Variants in SLC9C2 observed in about 807,000 individuals in gnomAD.
SLC9C2 encodes solute carrier family 9 member C2 (putative).
A neutral mutation model predicts 140.2 loss-of-function variants in SLC9C2; 75 were observed. The observed-to-expected ratio is 0.53, with a 90% CI of 0.44 to 0.65. The LOEUF is 0.65. Among genes scored for constraint, SLC9C2 ranks in the 30% least tolerant of loss-of-function variants. The pLI is 0.00. For missense variants in SLC9C2, 1,074 were observed against 1,331.8 expected (o/e 0.81, Z 3.01); for synonymous variants, 375 against 420.9 (o/e 0.89, Z 1.34).
intron 9 of SLC9C2, among the ~76,000 whole-genome samples, chr1:173,559,434 T>C (rs1663948670): frequency 6.6e-6 from 1 of 152,254 alleles, no homozygotes; most frequent in Non-Finnish European, 1.5e-5. Flanking sequence ...AGACATCTAC[T>C]GGGAAGTATT....
At chr1:173,583,723 G>C in intron 5 of SLC9C2, 101 bp from the exon 6 acceptor site, 1 of 680,702 alleles carries the variant, frequency 1.5e-6, no homozygotes, top group East Asian at 2.7e-5. Context: ...AAAGAAAAAA[G>C]AGAAAGAACA....
chr1:173,591,188 T>C (rs534189728), intron 4 of SLC9C2, among the ~76,000 whole-genome samples: 5 of 152,332 alleles, frequency 3.3e-5, no homozygotes, highest in African/African-American at 1.2e-4. Context: ...GCTCCATCCA[T>C]GTTCCCGCAA....
chr1:173,512,738 A>G (rs1660139594), intron 23 of SLC9C2, among the ~76,000 whole-genome samples: 1 of 152,218 alleles, frequency 6.6e-6, no homozygotes, highest in Non-Finnish European at 1.5e-5. Flanking sequence ...CCAGGTTCCA[A>G]AGGAAATGCT....
chr1:173,523,901 A>T, intron 21 of SLC9C2, 68 bp downstream of exon 21: 1 of 1,548,700 alleles, frequency 6.5e-7, no homozygotes, highest in Non-Finnish European at 8.7e-7. Flanking sequence ...TTAATCTTTC[A>T]TTAGGGAGTG....
At chr1:173,537,852 C>T (rs1479293329) in intron 13 of SLC9C2, among the ~76,000 whole-genome samples, 1 of 152,152 alleles carries the variant, frequency 6.6e-6, no homozygotes, top group African/African-American at 2.4e-5. Flanking sequence ...ATAGCTTCTA[C>T]ATGACACTGA....
intron 13 of SLC9C2, among the ~76,000 whole-genome samples, chr1:173,542,072 T>C (rs1662471448): frequency 1.3e-5 from 2 of 152,058 alleles, no homozygotes; most frequent in African/African-American, 4.8e-5. Flanking sequence ...ATCCAGGAGC[T>C]GGTTTTTTGA....
intron 22 of SLC9C2, among the ~76,000 whole-genome samples, chr1:173,518,841 T>C (rs1291986684): frequency 6.6e-6 from 1 of 152,156 alleles, no homozygotes; most frequent in African/African-American, 2.4e-5. Flanking sequence ...CAATGAAGAA[T>C]GCCTCTGCTT....
intron 23 of SLC9C2, among the ~76,000 whole-genome samples, chr1:173,516,501 TC>T (rs1200006157): frequency 3.9e-5 from 6 of 152,108 alleles, no homozygotes; most frequent in Non-Finnish European, 7.4e-5. Flanking sequence ...TGTGTTTTAT[TC>T]CCCTCTCTGT....
chr1:173,524,973 C>G, intron 19 of SLC9C2, 46 bp from the exon 20 acceptor site: 1 of 1,580,012 alleles, frequency 6.3e-7, no homozygotes, highest in Non-Finnish European at 8.7e-7. Flanking sequence ...ATGCAATAAC[C>G]ACAATAACTA....
intron 9 of SLC9C2, among the ~76,000 whole-genome samples, chr1:173,563,817 C>A (rs1372432849): frequency 1.3e-5 from 2 of 152,086 alleles, no homozygotes; most frequent in Non-Finnish European, 2.9e-5. Flanking sequence ...TTTTTTGTAC[C>A]TGTTAACCAT....
intron 9 of SLC9C2, among the ~76,000 whole-genome samples, chr1:173,562,427 A>T (rs542334443): frequency 2.6e-5 from 4 of 152,346 alleles, no homozygotes; most frequent in East Asian, 3.9e-4. Context: ...TATTCTTTAA[A>T]CATTTTATAC....
chr1:173,524,745 G>A (rs1558030033), intron 20 of SLC9C2, 34 bp downstream of exon 20: 1 of 1,607,842 alleles, frequency 6.2e-7, no homozygotes, highest in Non-Finnish European at 8.5e-7. Flanking sequence ...CATGAAGGCT[G>A]GGGTGTTATG....
chr1:173,601,188 T>C (rs917150621), intron 2 of SLC9C2, among the ~76,000 whole-genome samples: 1 of 152,196 alleles, frequency 6.6e-6, no homozygotes, highest in Non-Finnish European at 1.5e-5. Flanking sequence ...ACATCAATTA[T>C]GTAAATCATG....
In SLC9C2 at chr1:173,600,170, T is replaced by C. The variant is rs1666700662; in HGVS notation, c.175A>G (p.Ile59Val). 6.2e-7 allele frequency: 1 copy of C among 1,612,462 alleles called. No individual in the cohort carries two copies. Among genetic ancestry groups the C allele is most frequent in the African/African-American group, 1.3e-5 (1 of 74,830 alleles). ...ATCACGAATCCTGATAGAGAAAGAA[T>C]CGTCAAAACAATGACTTCACAATTC... is the stretch of plus-strand genomic sequence containing the variant. ...LKNCEVIVLT[I>V]LSLSGFVIGH... Residue 59 changes from isoleucine (I) to valine (V), a missense_variant, in exon 3 of 28, where the codon ATT becomes GTT. Transcript: ENST00000367714.
rs763549191 is a variant in SLC9C2 at position 173,573,131 on chromosome 1, T to C, written c.1046+51A>G. 6.1e-6 allele frequency: 8 copies of C among 1,319,070 alleles called. No individual in the cohort carries two copies. The South Asian group carries it at 1.3e-4, about 21-fold the overall frequency. 81.7% of individuals were successfully genotyped at this position (1,319,070 alleles called of 1,614,324 possible). A position where few individuals can be genotyped will look rare whatever the true frequency, so the allele number is the denominator to read the frequency against. On this transcript the variant is annotated intron_variant, in intron 9 of 27. Coordinates refer to ENST00000367714, the MANE Select transcript of SLC9C2 (RefSeq NM_178527.4). Reference sequence around the variant, plus strand: ...TGCCACTGCTTCCTAATTCTAATTCTGGCCTTGAGAATCTCAGTTTAGTAA... The same window carrying C: ...TGCCACTGCTTCCTAATTCTAATTCCGGCCTTGAGAATCTCAGTTTAGTAA...
chr1:173,559,677 G>A (rs1279138284), intron 9 of SLC9C2, among the ~76,000 whole-genome samples: 5 of 152,200 alleles, frequency 3.3e-5, no homozygotes, highest in Non-Finnish European at 5.9e-5. Context: ...CACAGAGGAG[G>A]AAAGAACTTC....
intron 9 of SLC9C2, among the ~76,000 whole-genome samples, chr1:173,557,860 G>A (rs1397906410): frequency 6.6e-6 from 1 of 152,006 alleles, no homozygotes; most frequent in Non-Finnish European, 1.5e-5. Context: ...ATACATGACT[G>A]GATTCAAAAA....
intron 1 of SLC9C2, among the ~76,000 whole-genome samples, chr1:173,602,246 T>C (rs1666830834): frequency 6.6e-6 from 1 of 152,186 alleles, no homozygotes; most frequent in Non-Finnish European, 1.5e-5. Context: ...GCTGAACTAT[T>C]TGAGGGGGAA....
intron 3 of SLC9C2, 25 bp downstream of exon 3, chr1:173,600,092 C>G (rs1244918317): frequency 6.8e-7 from 1 of 1,475,752 alleles, no homozygotes; most frequent in Non-Finnish European, 9.2e-7. Flanking sequence ...TTCCTTTATT[C>G]TCTAATTTAT....
Sources: gnomAD v4.1 joint callset for allele counts (sites outside exome capture counted in the v4.1 genomes callset) on GRCh38, gnomAD v4.1.1 for gene constraint, MANE v1.5 for transcripts, NCBI Gene and HGNC (gene_info 2026-07-23, HGNC 2026-07-21) for gene names.